ZNF90: variants seen among roughly 807,000 people sequenced by gnomAD.
The protein encoded by ZNF90 is zinc finger protein 90, also known as zinc finger protein HTF9.
ZNF90 carries 11 observed loss-of-function variants against 12.0 expected under a neutral mutation model. The ratio of observed to expected loss-of-function variants is 0.92; its 90% CI spans 0.58 to 1.52. ZNF90 has a LOEUF of 1.52. Among genes scored for constraint, ZNF90 ranks in the 40% most tolerant of loss-of-function variants. ZNF90 has a pLI of 0.00. For synonymous variants in ZNF90, 232 were observed against 240.1 expected (o/e 0.97, Z 0.31); for missense variants, 765 against 711.5 (o/e 1.08, Z -0.86).
intron 2 of ZNF90, among the ~76,000 whole-genome samples, chr19:20,104,988 G>A (rs782041163): frequency 7.9e-5 from 12 of 151,834 alleles, no homozygotes; most frequent in Non-Finnish European, 1.3e-4. Flanking sequence ...GAGAAACTCC[G>A]TCTGAAAAAA....
At chr19:20,082,216 G>T (rs1004199138) in intron 1 of ZNF90, among the ~76,000 whole-genome samples, 1 of 151,958 alleles carries the variant, frequency 6.6e-6, no homozygotes, top group African/African-American at 2.4e-5. Context: ...GATCCTCATG[G>T]TCCTCCCACT....
intron 1 of ZNF90, chr19:20,080,553 C>A: frequency 4.6e-6 from 1 of 218,204 alleles, no homozygotes. Flanking sequence ...TCAGCGCTGG[C>A]TGGAAAGAGT....
rs782176997 is a variant in ZNF90, at chr19:20,118,040, A to G, written c.486A>G (p.Arg162=). The part of the protein sequence containing the change: ...KVSHIFSNSN[R]HKIRDTGKKP... Reference sequence around the variant, plus strand: ...CTCATATATTTTCAAATTCAAACAGACATAAGATAAGAGATACTGGAAAAA... The same window carrying G: ...CTCATATATTTTCAAATTCAAACAGGCATAAGATAAGAGATACTGGAAAAA... The change falls in exon 4 of 4, where the codon AGA becomes AGG. Residue 162 remains arginine, a synonymous_variant. Coordinates refer to ENST00000418063, the MANE Select transcript of ZNF90 (RefSeq NM_007138.2). The G allele has an allele frequency of 1.2e-6, 2 of 1,612,118 alleles. No individual in the cohort carries two copies. The highest frequency in any genetic ancestry group is 1.7e-6 in the Non-Finnish European group (2 of 1,178,942).
intron 2 of ZNF90, 77 bp downstream of exon 2, chr19:20,104,442 G>C (rs2089014658): frequency 6.7e-7 from 1 of 1,491,406 alleles, no homozygotes; most frequent in African/African-American, 1.4e-5. Context: ...ATGATTTTTA[G>C]TAATGTATTG....
rs149678958 is a variant in ZNF90, at chr19:20,118,068, C to G, written c.514C>G (p.Pro172Ala). 4 of 1,612,992 alleles carry G rather than the reference C, an allele frequency of 2.5e-6. No individual in the cohort carries two copies. In the African/African-American group the frequency reaches 5.3e-5, roughly 22 times the overall value. The change falls in exon 4 of 4, where the codon CCT becomes GCT. Residue 172 changes from proline (P) to alanine (A), a missense_variant. Physicochemically the swap from Pro to Ala is conservative, Grantham distance 27. Coordinates refer to ENST00000418063, the MANE Select transcript of ZNF90 (RefSeq NM_007138.2). ...RHKIRDTGKK[P>A]FKCIECGKAF... ...TAAGATAAGAGATACTGGAAAAAAACCTTTCAAATGTATAGAATGTGGCAA... is the reference window on the plus strand; with the variant it reads ...TAAGATAAGAGATACTGGAAAAAAAGCTTTCAAATGTATAGAATGTGGCAA...
intron 1 of ZNF90, chr19:20,087,555 G>C (rs2088868614): frequency 6.6e-6 from 1 of 152,418 alleles, no homozygotes; most frequent in African/African-American, 2.4e-5. Flanking sequence ...CTCTCCTCCT[G>C]CAGCTCAGGC....
At chr19:20,087,546 TCTC>T (rs2088868479) in intron 1 of ZNF90, 1 of 152,496 alleles carries the variant, frequency 6.6e-6, no homozygotes, top group East Asian at 1.9e-4. Flanking sequence ...GCCTGCAGGC[TCTC>T]CTCCTGCAGC....
At chr19:20,102,921 T>C (rs1392558996) in intron 1 of ZNF90, among the ~76,000 whole-genome samples, 1 of 152,208 alleles carries the variant, frequency 6.6e-6, no homozygotes, top group African/African-American at 2.4e-5. Flanking sequence ...TTACAGAACA[T>C]AGGAGTTATC....
chr19:20,100,503 C>CT (rs1365148876), intron 1 of ZNF90, among the ~76,000 whole-genome samples: 1 of 152,188 alleles, frequency 6.6e-6, no homozygotes, highest in Non-Finnish European at 1.5e-5. Context: ...CAGTCCATGA[C>CT]TAAGATCTAC....
intron 1 of ZNF90, among the ~76,000 whole-genome samples, chr19:20,098,396 A>G (rs989788048): frequency 1.3e-5 from 2 of 152,208 alleles, no homozygotes; most frequent in Non-Finnish European, 2.9e-5. Flanking sequence ...GACCTGCTAC[A>G]GTGATGTGAG....
At chr19:20,113,546 C>A (rs1405295141) in intron 3 of ZNF90, among the ~76,000 whole-genome samples, 1 of 151,432 alleles carries the variant, frequency 6.6e-6, no homozygotes. Flanking sequence ...CTCTCCTAAT[C>A]TTGCCGTGTG....
chr19:20,111,648 G>T (rs2089089709), intron 3 of ZNF90, among the ~76,000 whole-genome samples: 1 of 151,434 alleles, frequency 6.6e-6, no homozygotes, highest in Non-Finnish European at 1.5e-5. Context: ...ATTTTGTACT[G>T]GTATGCTTTA....
chr19:20,078,123 A>G lies in ZNF90; in HGVS notation c.-10A>G. ...AGATCCACAGCTGAGGGACCCCCGG[A>G]AGCCTAGAAATGGTGAGAGTGCCTT... On this transcript the variant is annotated 5_prime_UTR_variant, in exon 1 of 4. Transcript: ENST00000418063. 1 of 1,614,144 alleles carries G rather than the reference A, an allele frequency of 6.2e-7. No individual in the cohort carries two copies. Among genetic ancestry groups the G allele is most frequent in the Non-Finnish European group, 8.5e-7 (1 of 1,180,006 alleles).
At position 20,120,101 on chromosome 19, in the gene ZNF90, ACTC is replaced by A. The variant is rs1350230219; in HGVS notation, c.*744_*746del. On this transcript the variant is annotated 3_prime_UTR_variant, in exon 4 of 4. Transcript: ENST00000418063. ...AGGTAAGATAATTCATACTGGCAAA[ACTC>A]CTACAAGTGTGAAGAATGTGGGAAA... Among the ~76,000 whole-genome samples, 2 of 152,160 alleles carry A rather than the reference ACTC, an allele frequency of 1.3e-5. No homozygotes were observed. The highest frequency in any genetic ancestry group is 6.6e-5 in the Admixed American group (1 of 15,264).
At chr19:20,116,493 A>G (rs2089138321) in intron 3 of ZNF90, among the ~76,000 whole-genome samples, 1 of 152,200 alleles carries the variant, frequency 6.6e-6, no homozygotes, top group Non-Finnish European at 1.5e-5. Flanking sequence ...AATTTTAAAA[A>G]TTACTTTATA....
chr19:20,114,661 A>G (rs2089120649), intron 3 of ZNF90, among the ~76,000 whole-genome samples: 1 of 151,808 alleles, frequency 6.6e-6, no homozygotes, highest in Non-Finnish European at 1.5e-5. Flanking sequence ...TTTCAGCTTT[A>G]AAAAATGTGT....
At chr19:20,091,044 G>A (rs1451781188) in intron 1 of ZNF90, among the ~76,000 whole-genome samples, 1 of 152,158 alleles carries the variant, frequency 6.6e-6, no homozygotes, top group Non-Finnish European at 1.5e-5. Context: ...GAGGTGGGAA[G>A]GCCAAACCGA....
intron 1 of ZNF90, among the ~76,000 whole-genome samples, chr19:20,103,662 T>TGA (rs1333630883): frequency 6.6e-6 from 1 of 152,194 alleles, no homozygotes; most frequent in African/African-American, 2.4e-5. Context: ...GTTTGGAAAA[T>TGA]GAAGGCTCTT....
In ZNF90 at chr19:20,113,348, G is replaced by A. The variant is rs542829541; in HGVS notation, c.227-4433G>A. Among the ~76,000 whole-genome samples, 34 of 151,918 alleles carry A rather than the reference G, an allele frequency of 2.2e-4. No individual in the cohort carries two copies. In the South Asian group the frequency reaches 5.8e-3, roughly 26 times the overall value. ...TGGGATTACATTCGTGCACTACAACGCCCGCCTAATTTCATTCATACTTTA... is the reference window on the plus strand; with the variant it reads ...TGGGATTACATTCGTGCACTACAACACCCGCCTAATTTCATTCATACTTTA... On this transcript the variant is annotated intron_variant, in intron 3 of 3. Coordinates refer to ENST00000418063, the MANE Select transcript of ZNF90 (RefSeq NM_007138.2).
Sources: allele counts gnomAD v4.1 joint callset (sites outside exome capture counted in the v4.1 genomes callset), GRCh38; gene constraint gnomAD v4.1.1; transcripts MANE v1.5; gene names NCBI Gene and HGNC (gene_info 2026-07-23, HGNC 2026-07-21).